Variants in ZFAND5 observed in about 807,000 individuals in gnomAD.
ZFAND5 encodes zinc finger AN1-type containing 5, also known as AN1-type zinc finger protein 5.
In ZFAND5, 4 loss-of-function variants were observed where a neutral mutation model predicts 23.6. That is an observed-to-expected ratio of 0.17 (90% CI 0.08 to 0.39). The LOEUF (loss-of-function observed/expected upper bound fraction) is 0.39. ZFAND5 is among the 10% of genes least tolerant of loss of function. The pLI is 1.00. For missense variants in ZFAND5, 161 were observed against 253.7 expected, an observed-to-expected ratio of 0.63 and a Z score of 2.48; for synonymous variants, 68 against 80.6, an observed-to-expected ratio of 0.84 and a Z score of 0.84.
At chr9:72,360,023 G>GT (rs1842052897) in intron 4 of ZFAND5, 87 bp downstream of exon 4, 1 of 1,107,234 alleles carries the variant, frequency 9.0e-7, no homozygotes, top group African/African-American at 1.6e-5. Context: ...AAAGCCAAGG[G>GT]TATCTATTAA....
At position 72,355,256 on chromosome 9, in the gene ZFAND5, ATCT is replaced by A. The variant is rs1841910130; in HGVS notation, c.*694_*696del. Reference sequence around the variant, plus strand: ...ATTTTTAGCAATGAGTAATGCAGACATCTTCTGGTGCAGGCCAGTACAATAAGC... The same window carrying A: ...ATTTTTAGCAATGAGTAATGCAGACATCTGGTGCAGGCCAGTACAATAAGC... On this transcript the variant is annotated 3_prime_UTR_variant, in exon 7 of 7. Transcript: ENST00000376962. The A allele has an allele frequency of 6.6e-6, 1 of 152,660 alleles. No individual in the cohort carries two copies. Among genetic ancestry groups the A allele is most frequent in the South Asian group, 2.1e-4 (1 of 4,834 alleles). 9.5% of individuals were successfully genotyped at this position (152,660 alleles called of 1,614,324 possible).
In ZFAND5 at chr9:72,360,088, A is replaced by G. The variant is rs752099902; in HGVS notation, c.263+22T>C. ...ATTTCTTCTTTGTAATATCATAAAA[A>G]CTCTGAAACGTTCAATCTTACCTTG... On this transcript the variant is annotated intron_variant, in intron 4 of 6. Coordinates refer to ENST00000376962, the MANE Select transcript of ZFAND5 (RefSeq NM_001102420.3). 7.6e-6 allele frequency: 12 copies of G among 1,588,866 alleles called. No homozygotes were observed. The East Asian group carries it at 2.7e-4, about 36-fold the overall frequency.
intron 5 of ZFAND5, among the ~76,000 whole-genome samples, chr9:72,357,836 A>C (rs1841988524): frequency 6.6e-6 from 1 of 152,118 alleles, no homozygotes; most frequent in Admixed American, 6.5e-5. Flanking sequence ...AAAAGGCTTT[A>C]AGTTTCAGTG....
rs905005097 is a variant in ZFAND5 at position 72,354,053 on chromosome 9, G to C, written c.*1900C>G. 12 of 152,150 alleles carry C rather than the reference G, an allele frequency of 7.9e-5. No homozygotes were observed. Among genetic ancestry groups the C allele is most frequent in the African/African-American group, 2.2e-4 (9 of 41,434 alleles). The allele number at this position is 152,150 out of a possible 1,614,324, so 9.4% of individuals were successfully genotyped here. ...TTTATGATCTGGCATAAACGCTACA[G>C]AGACCAAGTCCATGGGTGAATCTCT... On this transcript the variant is annotated 3_prime_UTR_variant, in exon 7 of 7. Coordinates refer to ENST00000376962, the MANE Select transcript of ZFAND5 (RefSeq NM_001102420.3).
At chr9:72,360,047 C>T (rs747818092) in intron 4 of ZFAND5, 63 bp downstream of exon 4, 11 of 1,355,818 alleles carry the variant, frequency 8.1e-6, no homozygotes, top group South Asian at 1.3e-5. Context: ...ATTATTGGAC[C>T]AGTACAGACA....
At chr9:72,357,849 C>A (rs188724203) in intron 5 of ZFAND5, among the ~76,000 whole-genome samples, 1 of 152,218 alleles carries the variant, frequency 6.6e-6, no homozygotes, top group African/African-American at 2.4e-5. Context: ...TTTCAGTGTA[C>A]ACATGGCATC....
At chr9:72,363,403 T>C (rs1291094766) in intron 2 of ZFAND5, 67 bp downstream of exon 2, 1 of 153,724 alleles carries the variant, frequency 6.5e-6, no homozygotes, top group African/African-American at 2.4e-5. Context: ...AAAGAGCTTT[T>C]ACACCTATGG....
chr9:72,360,299 C>G, intron 3 of ZFAND5, 78 bp from the exon 4 acceptor site: 14 of 1,241,760 alleles, frequency 1.1e-5, no homozygotes, highest in Non-Finnish European at 1.6e-5. Flanking sequence ...GTAATAAATA[C>G]TTGCATTTAA....
intron 6 of ZFAND5, 70 bp from the exon 7 acceptor site, chr9:72,356,171 T>C: frequency 6.5e-7 from 1 of 1,546,474 alleles, no homozygotes; most frequent in Non-Finnish European, 8.7e-7. Flanking sequence ...CCTTAGTCAC[T>C]ATAGAAAAGG....
chr9:72,359,708 G>A (rs1842043203), intron 4 of ZFAND5, among the ~76,000 whole-genome samples, 187 bp from the exon 5 acceptor site: 1 of 152,114 alleles, frequency 6.6e-6, no homozygotes, highest in South Asian at 2.1e-4. Flanking sequence ...TTGATAAATG[G>A]CTCATGAACT....
Position 72,359,515 on chromosome 9 carries a change from C to G in ZFAND5, c.270G>C (p.Val90=). 1 of 1,613,392 alleles carries G rather than the reference C, an allele frequency of 6.2e-7. No homozygotes were observed. The highest frequency in any genetic ancestry group is 8.5e-7 in the Non-Finnish European group (1 of 1,179,594). ...GAGTTACAGGCAAGGCAGCCACAGGCACATTTCTATTTGAGTTCAAGCAAA... is the reference window on the plus strand; with the variant it reads ...GAGTTACAGGCAAGGCAGCCACAGGGACATTTCTATTTGAGTTCAAGCAAA... ...AGSTSEKSRN[V]PVAALPVTQQ... is the part of the protein sequence containing the mutation. The change falls in exon 5 of 7, where the codon GTG becomes GTC. Residue 90 remains valine (V), a synonymous_variant. Coordinates refer to ENST00000376962, the MANE Select transcript of ZFAND5 (RefSeq NM_001102420.3).
chr9:72,359,693 A>T (rs1325004696), intron 4 of ZFAND5, among the ~76,000 whole-genome samples, 172 bp from the exon 5 acceptor site: 1 of 152,186 alleles, frequency 6.6e-6, no homozygotes, highest in Non-Finnish European at 1.5e-5. Flanking sequence ...GGTTGAGAAA[A>T]AAGTTTGATA....
intron 4 of ZFAND5, 36 bp downstream of exon 4, chr9:72,360,074 G>T: frequency 1.9e-6 from 3 of 1,551,232 alleles, no homozygotes; most frequent in Non-Finnish European, 2.7e-6. Flanking sequence ...TTTCTTCTTT[G>T]TAATATCATA....
At position 72,353,230 on chromosome 9, in the gene ZFAND5, G is replaced by C. The variant is rs936200191; in HGVS notation, c.*2723C>G. On this transcript the variant is annotated 3_prime_UTR_variant, in exon 7 of 7. Coordinates refer to ENST00000376962, the MANE Select transcript of ZFAND5 (RefSeq NM_001102420.3). ...AAAGGACTTCATGGCCTTGCATTCA[G>C]GTTTGAATGCAAGAATTTGGGTAGA... 6.6e-6 allele frequency: 1 copy of C among 152,130 alleles called. No homozygotes were observed. Among genetic ancestry groups the C allele is most frequent in the Non-Finnish European group, 1.5e-5 (1 of 68,044 alleles). 9.4% of individuals were successfully genotyped at this position (152,130 alleles called of 1,614,324 possible).
intron 2 of ZFAND5, among the ~76,000 whole-genome samples, chr9:72,361,355 C>CG (rs1163484517): frequency 5.7e-5 from 2 of 35,166 alleles, no homozygotes; most frequent in African/African-American, 1.3e-4. Context: ...GAACTGGTAG[C>CG]CCTTCCTGCT....
intron 2 of ZFAND5, among the ~76,000 whole-genome samples, chr9:72,361,476 A>C (rs1453705194): frequency 6.6e-6 from 1 of 152,206 alleles, no homozygotes. Flanking sequence ...AGTGCCTAGG[A>C]ACCTGCAATA....
At chr9:72,359,634 G>C in intron 4 of ZFAND5, 113 bp from the exon 5 acceptor site, 1 of 981,192 alleles carries the variant, frequency 1.0e-6, no homozygotes, top group South Asian at 1.9e-5. Context: ...TGAGCAAATG[G>C]AGCTAGATAA....
chr9:72,363,808 T>TCC, intron 1 of ZFAND5: 1 of 279,830 alleles, frequency 3.6e-6, no homozygotes, highest in Non-Finnish European at 5.4e-6. Context: ...TGTATCTAAA[T>TCC]CCCAGGTTTA....
Position 72,360,180 on chromosome 9 carries a change from A to T in ZFAND5, c.193T>A (p.Ser65Thr). 1 of 1,613,080 alleles carries T rather than the reference A, an allele frequency of 6.2e-7. No individual in the cohort carries two copies. The highest frequency in any genetic ancestry group is 8.5e-7 in the Non-Finnish European group (1 of 1,179,364). Residue 65 changes from serine (S) to threonine (T), a missense_variant, in exon 4 of 7, where the codon TCT (serine) becomes ACT (threonine). Physicochemically the swap from Ser to Thr is moderately conservative, Grantham distance 58. This residue lies in a region of ZFAND5 where 116 missense variants were observed against 115.2 expected (regional missense o/e 1.01). Transcript: ENST00000376962. The part of the protein sequence containing the change: ...GSNSPTSDSA[S>T]VQRADTSLNN... ...AAGCTAGTGTCTGCTCTCTGTACAG[A>T]TGCAGAATCTGAGGTAGGACTGTTG...
Sources: allele counts gnomAD v4.1 joint callset (sites outside exome capture counted in the v4.1 genomes callset), GRCh38; gene constraint gnomAD v4.1.1; regional missense constraint gnomAD v4.1.1; transcripts MANE v1.5; gene names NCBI Gene and HGNC (gene_info 2026-07-23, HGNC 2026-07-21).